CTNNA1: variants seen among roughly 807,000 people sequenced by gnomAD.
CTNNA1 encodes catenin alpha-1.
CTNNA1 carries 37 observed loss-of-function variants against 98.4 expected under a neutral mutation model. The ratio of observed to expected loss-of-function variants is 0.38; its 90% CI spans 0.29 to 0.49. The LOEUF (loss-of-function observed/expected upper bound fraction) is 0.49, where lower values mean the gene tolerates loss of function less well. Among genes scored for constraint, CTNNA1 ranks in the 20% least tolerant of loss-of-function variants. The probability of loss-of-function intolerance (pLI) is 0.95; values close to 1 mark genes in which losing one functional copy is unlikely to be tolerated. For missense variants in CTNNA1, 761 were observed against 1,147.2 expected, an observed-to-expected ratio of 0.66 and a Z score of 4.86; for synonymous variants, 404 against 413.2, an observed-to-expected ratio of 0.98 and a Z score of 0.27.
chr5:138,836,714 G>A (rs1040154728), intron 7 of CTNNA1, among the ~76,000 whole-genome samples: 18 of 152,298 alleles, frequency 1.2e-4, no homozygotes, highest in Non-Finnish European at 2.1e-4. Flanking sequence ...GCCTCCTCAG[G>A]ATTGCTGTTA....
chr5:138,867,756 T>C (rs1332925292), intron 7 of CTNNA1, among the ~76,000 whole-genome samples: 2 of 151,546 alleles, frequency 1.3e-5, no homozygotes, highest in Non-Finnish European at 2.9e-5. Context: ...TCTTTTTTTT[T>C]TTTTCTTTTT....
chr5:138,916,936 G>A (rs942092250), intron 10 of CTNNA1, among the ~76,000 whole-genome samples: 1 of 151,810 alleles, frequency 6.6e-6, no homozygotes, highest in African/African-American at 2.4e-5. Context: ...CACCACACCC[G>A]GCCAATTTTG....
chr5:138,823,329 A>G (rs1300170574), intron 5 of CTNNA1, among the ~76,000 whole-genome samples: 5 of 152,226 alleles, frequency 3.3e-5, no homozygotes, highest in South Asian at 2.1e-4. Flanking sequence ...AATGATGCCA[A>G]GGACCTCAAA....
At chr5:138,839,643 C>A (rs1477716350) in intron 7 of CTNNA1, among the ~76,000 whole-genome samples, 2 of 152,138 alleles carry the variant, frequency 1.3e-5, no homozygotes, top group African/African-American at 4.8e-5. Context: ...GTTGCAGTCT[C>A]CAACTTTAAT....
Position 138,873,737 on chromosome 5 carries a change from G to A in CTNNA1, c.1063-12475G>A, listed in dbSNP as rs374485070. On this transcript the variant is annotated intron_variant, in intron 7 of 17. Coordinates refer to ENST00000302763, the MANE Select transcript of CTNNA1 (RefSeq NM_001903.5). This position sits in a 1 kb window ranked among gnomAD's most constrained non-coding sequence, Gnocchi z 6.1. Reference sequence around the variant, plus strand: ...GAGGAGTATTTTAAGATTGGGCATCGTTTCAAACACTGTCAAGTCGATGGC... The same window carrying A: ...GAGGAGTATTTTAAGATTGGGCATCATTTCAAACACTGTCAAGTCGATGGC... 6.3e-5 allele frequency: 101 copies of A among 1,613,904 alleles called. No individual in the cohort carries two copies. The highest frequency in any genetic ancestry group is 8.1e-5 in the Non-Finnish European group (95 of 1,179,902).
At chr5:138,804,835 A>G (rs757731041) in intron 3 of CTNNA1, among the ~76,000 whole-genome samples, 11 of 152,162 alleles carry the variant, frequency 7.2e-5, no homozygotes, top group Non-Finnish European at 1.3e-4. Context: ...GGTGATGAAA[A>G]CTGCAATTAC....
At chr5:138,922,479 T>C (rs1410601871) in intron 11 of CTNNA1, among the ~76,000 whole-genome samples, 4 of 152,224 alleles carry the variant, frequency 2.6e-5, no homozygotes, top group African/African-American at 9.6e-5. Flanking sequence ...CATTTACATA[T>C]AGTTGTCTGT....
Position 138,873,356 on chromosome 5 carries a change from C to T in CTNNA1, c.1063-12856C>T. ...GTGTTCCTCGGTAGTAACTGCTATG[C>T]CTGCAGTAGTTGGGATTTCTTTGTC... On this transcript the variant is annotated intron_variant, in intron 7 of 17. Transcript: ENST00000302763. This position sits in a 1 kb window ranked among gnomAD's most constrained non-coding sequence, Gnocchi z 6.1. 1 of 1,613,694 alleles carries T rather than the reference C, an allele frequency of 6.2e-7. No individual in the cohort carries two copies. The highest frequency in any genetic ancestry group is 8.5e-7 in the Non-Finnish European group (1 of 1,179,568).
intron 1 of CTNNA1, among the ~76,000 whole-genome samples, chr5:138,763,727 G>C (rs1003363426): frequency 6.6e-5 from 10 of 152,340 alleles, no homozygotes; most frequent in Non-Finnish European, 1.2e-4. Context: ...GGAGAAGCAT[G>C]TTACTATTAC....
At chr5:138,815,001 C>T (rs1759277232) in intron 5 of CTNNA1, among the ~76,000 whole-genome samples, 1 of 152,200 alleles carries the variant, frequency 6.6e-6, no homozygotes, top group Non-Finnish European at 1.5e-5. Context: ...ATCCACCTGC[C>T]TCGGTCTCCC....
intron 7 of CTNNA1, among the ~76,000 whole-genome samples, chr5:138,875,972 T>C (rs761239581): frequency 2.0e-5 from 3 of 152,224 alleles, no homozygotes; most frequent in Non-Finnish European, 2.9e-5. Context: ...AGGGGAACTC[T>C]AAAAAGATTT....
intron 15 of CTNNA1, 61 bp downstream of exon 15, chr5:138,930,715 C>T (rs1765114677): frequency 6.3e-7 from 1 of 1,579,484 alleles, no homozygotes; most frequent in Non-Finnish European, 8.7e-7. Context: ...CACAGGTCAC[C>T]TGCGCAGCGG....
chr5:138,887,827 C>T (rs1029517481), intron 9 of CTNNA1, 185 bp downstream of exon 9: 1 of 502,958 alleles, frequency 2.0e-6, no homozygotes, highest in African/African-American at 2.0e-5. Flanking sequence ...TTTACATTAA[C>T]TATGTACGTT....
intron 7 of CTNNA1, among the ~76,000 whole-genome samples, chr5:138,839,392 G>A (rs893647368): frequency 6.6e-6 from 1 of 151,936 alleles, no homozygotes; most frequent in Non-Finnish European, 1.5e-5. Flanking sequence ...GTAGAGGTGG[G>A]GTTTTCCCAT....
At chr5:138,933,479 C>A (rs535688838) in intron 17 of CTNNA1, among the ~76,000 whole-genome samples, 37 of 152,244 alleles carry the variant, frequency 2.4e-4, no homozygotes, top group South Asian at 1.7e-3. Context: ...TCTCCTCCCC[C>A]ACGTGCTTAC....
intron 9 of CTNNA1, among the ~76,000 whole-genome samples, chr5:138,897,688 T>C (rs1757184319): frequency 6.6e-6 from 1 of 152,186 alleles, no homozygotes; most frequent in Admixed American, 6.5e-5. Context: ...ACTAGCTTGA[T>C]TTTTCTCACA....
At chr5:138,860,011 T>A (rs1311458953) in intron 7 of CTNNA1, among the ~76,000 whole-genome samples, 2 of 152,162 alleles carry the variant, frequency 1.3e-5, no homozygotes, top group African/African-American at 4.8e-5. Context: ...TGCGTGTGCA[T>A]GCGTGTGTGT....
chr5:138,932,136 G>C (rs1332682438), intron 16 of CTNNA1: 4 of 990,836 alleles, frequency 4.0e-6, no homozygotes, highest in Non-Finnish European at 4.8e-6. Flanking sequence ...CAGAGCAGAA[G>C]AGTTAACTAT....
intron 16 of CTNNA1, chr5:138,931,996 G>T: frequency 1.0e-6 from 1 of 985,566 alleles, no homozygotes. Flanking sequence ...CAGGAACTGG[G>T]CAGGGGCCAC....
Sources: gnomAD v4.1 joint callset for allele counts (sites outside exome capture counted in the v4.1 genomes callset) on GRCh38, gnomAD v4.1.1 for gene constraint, Gnocchi (gnomAD v3.1) non-coding constraint, MANE v1.5 for transcripts, NCBI Gene and HGNC (gene_info 2026-07-23, HGNC 2026-07-21) for gene names.